Variants in AKR1C3 observed in about 807,000 individuals in gnomAD.
AKR1C3 encodes 3-alpha hydroxysteroid dehydrogenase, type II.
AKR1C3 carries 48 observed loss-of-function variants against 43.6 expected under a neutral mutation model. That is an observed-to-expected ratio of 1.10 (90% CI 0.87 to 1.40). The LOEUF is 1.40. Ranked by LOEUF, AKR1C3 falls within the 40% of genes most tolerant of loss-of-function variation. The pLI is 0.00. For missense variants in AKR1C3, 482 were observed against 391.2 expected (o/e 1.23, Z -1.96); for synonymous variants, 162 against 139.6 (o/e 1.16, Z -1.13).
chr10:5,075,251 C>G lies in AKR1C3; in HGVS notation c.85-21159C>G, dbSNP rs188650738. Among the ~76,000 whole-genome samples, 37 of 152,218 alleles carry G rather than the reference C, an allele frequency of 2.4e-4. No homozygotes were observed. In the East Asian group the frequency reaches 7.0e-3, roughly 29 times the overall value. On this transcript the variant is annotated intron_variant, in intron 1 of 8. Transcript: ENST00000439082. Reference sequence around the variant, plus strand: ...TTACACGTTGCTCTGTGGTTCTCCCCTACACATGGTCATAAGTTTGTGTGC... The same window carrying G: ...TTACACGTTGCTCTGTGGTTCTCCCGTACACATGGTCATAAGTTTGTGTGC...
chr10:5,082,193 C>G (rs557529747), intron 1 of AKR1C3, among the ~76,000 whole-genome samples: 1 of 152,028 alleles, frequency 6.6e-6, no homozygotes, highest in East Asian at 1.9e-4. Flanking sequence ...TTTGAGGAAC[C>G]TTTAGGGTTT....
At chr10:5,105,021 A>C (rs1321515081) in intron 7 of AKR1C3, among the ~76,000 whole-genome samples, 1 of 151,028 alleles carries the variant, frequency 6.6e-6, no homozygotes, top group Non-Finnish European at 1.5e-5. Flanking sequence ...ATGTGTTAGC[A>C]ATTAGTGGCA....
intron 1 of AKR1C3, among the ~76,000 whole-genome samples, chr10:5,083,743 T>C (rs1838889688): frequency 6.6e-6 from 1 of 152,198 alleles, no homozygotes; most frequent in African/African-American, 2.4e-5. Context: ...GCACCTGTTG[T>C]TTCCTGACTG....
chr10:5,098,713 G>A, intron 3 of AKR1C3, 89 bp from the exon 4 acceptor site: 1 of 983,754 alleles, frequency 1.0e-6, no homozygotes, highest in Non-Finnish European at 1.6e-6. Flanking sequence ...GTCTCATGGA[G>A]GATTAGTGTC....
intron 1 of AKR1C3, among the ~76,000 whole-genome samples, chr10:5,082,208 G>A (rs535778266): frequency 6.6e-6 from 1 of 152,014 alleles, no homozygotes; most frequent in African/African-American, 2.4e-5. Context: ...GGGTTTTCTA[G>A]GTATATAATC....
At chr10:5,059,464 C>T (rs1190889843) in intron 1 of AKR1C3, among the ~76,000 whole-genome samples, 37 of 152,212 alleles carry the variant, frequency 2.4e-4, no homozygotes, top group African/African-American at 4.3e-4. Flanking sequence ...ATCAGGAACC[C>T]GGAGCTGCAT....
intron 5 of AKR1C3, chr10:5,099,839 G>A: frequency 5.3e-6 from 1 of 188,382 alleles, no homozygotes; most frequent in Non-Finnish European, 1.1e-5. Context: ...GAAATGAGCT[G>A]TACGTGAACA....
chr10:5,088,929 T>TG (rs1246102463), intron 1 of AKR1C3, among the ~76,000 whole-genome samples: 1 of 152,086 alleles, frequency 6.6e-6, no homozygotes, highest in East Asian at 1.9e-4. Flanking sequence ...CCTTTTATGA[T>TG]GGTATCATAA....
intron 1 of AKR1C3, among the ~76,000 whole-genome samples, chr10:5,095,951 CA>C (rs1490620945): frequency 6.6e-6 from 1 of 152,076 alleles, no homozygotes; most frequent in East Asian, 1.9e-4. Context: ...AGAACTGAGA[CA>C]CCAAAGAACA....
At chr10:5,094,665 A>C in intron 1 of AKR1C3, 137 bp downstream of exon 1, 1 of 892,542 alleles carries the variant, frequency 1.1e-6, no homozygotes, top group Non-Finnish European at 1.7e-6. Context: ...GGCTAGGAGA[A>C]AAAAGTAGGC....
At chr10:5,069,628 A>G (rs1165811596) in intron 1 of AKR1C3, among the ~76,000 whole-genome samples, 1 of 152,150 alleles carries the variant, frequency 6.6e-6, no homozygotes, top group Non-Finnish European at 1.5e-5. Flanking sequence ...TAATTCCAGC[A>G]CTTTGAGAGG....
At chr10:5,065,056 A>G (rs1838470911) in intron 1 of AKR1C3, among the ~76,000 whole-genome samples, 1 of 152,250 alleles carries the variant, frequency 6.6e-6, no homozygotes, top group Admixed American at 6.5e-5. Context: ...TCAAAACCAC[A>G]ATGAGAAACC....
At chr10:5,050,578 CAA>C (rs1261196597) in intron 1 of AKR1C3, among the ~76,000 whole-genome samples, 2 of 152,090 alleles carry the variant, frequency 1.3e-5, no homozygotes, top group Middle Eastern at 3.4e-3. Flanking sequence ...TGTAAGAACT[CAA>C]AAACTGGTAG....
At chr10:5,102,235 C>T (rs781850955) in intron 6 of AKR1C3, 25 bp downstream of exon 6, 72 of 1,597,992 alleles carry the variant, frequency 4.5e-5, no homozygotes, top group Non-Finnish European at 6.2e-5. Context: ...GGGACCTTTA[C>T]ATAAACCTTC....
At chr10:5,058,139 G>T (rs549269747) in intron 1 of AKR1C3, among the ~76,000 whole-genome samples, 4 of 152,252 alleles carry the variant, frequency 2.6e-5, no homozygotes, top group South Asian at 4.1e-4. Flanking sequence ...GGGGAGGTTA[G>T]AGGAGGATTA....
chr10:5,064,926 A>AG (rs1457845088), intron 1 of AKR1C3, among the ~76,000 whole-genome samples: 1 of 151,062 alleles, frequency 6.6e-6, no homozygotes, highest in African/African-American at 2.4e-5. Flanking sequence ...ATAAGCAAAA[A>AG]AAAAAAATTA....
chr10:5,098,700 C>T, intron 3 of AKR1C3, 102 bp from the exon 4 acceptor site: 1 of 866,750 alleles, frequency 1.2e-6, no homozygotes. Context: ...CATTGTACCA[C>T]CTGTCTCATG....
At chr10:5,090,315 A>G (rs1176674535), upstream of AKR1C3, among the ~76,000 whole-genome samples, 1 of 152,084 alleles carries the variant, frequency 6.6e-6, no homozygotes, top group African/African-American at 2.4e-5. Flanking sequence ...GTAAAGCATG[A>G]AGTTCTCTGT....
chr10:5,064,989 G>A (rs1046668480), intron 1 of AKR1C3, among the ~76,000 whole-genome samples: 5 of 149,700 alleles, frequency 3.3e-5, no homozygotes, highest in Non-Finnish European at 7.4e-5. Flanking sequence ...ACATACTTGT[G>A]GCAAACAAGC....
Sources: allele counts gnomAD v4.1 joint callset (sites outside exome capture counted in the v4.1 genomes callset), GRCh38; gene constraint gnomAD v4.1.1; transcripts MANE v1.5; gene names NCBI Gene and HGNC (gene_info 2026-07-23, HGNC 2026-07-21).